Variants in NALCN observed in about 807,000 individuals in gnomAD.
NALCN encodes the protein sodium leak channel NALCN.
In NALCN, 111 loss-of-function variants were observed where a neutral mutation model predicts 225.3. The observed-to-expected ratio is 0.49, with a 90% CI of 0.42 to 0.58. The LOEUF is 0.58. Ranked by LOEUF, NALCN falls within the 20% of genes least tolerant of loss-of-function variation. NALCN has a pLI of 0.00. For synonymous variants in NALCN, 764 were observed against 769.0 expected (o/e 0.99, Z 0.11); for missense variants, 1,378 against 2,202.4 (o/e 0.63, Z 7.49).
rs544349937 is a variant in NALCN, at chr13:101,267,275, CTT to C, written c.1135-8703_1135-8702del. ...TTATTTTTTTCAATCACCAGCTCCT[CTT>C]GACTTTACAACACAAACTAGATTTT... On this transcript the variant is annotated intron_variant, in intron 10 of 43. Coordinates refer to ENST00000251127, the MANE Select transcript of NALCN (RefSeq NM_052867.4). Among the ~76,000 whole-genome samples the C allele has an allele frequency of 4.2e-3, 643 of 152,226 alleles. 4 individuals are homozygous for C. Among genetic ancestry groups the C allele is most frequent in the African/African-American group, 0.014 (592 of 41,544 alleles).
At chr13:101,097,341 A>G (rs1050446018) in intron 27 of NALCN, among the ~76,000 whole-genome samples, 2 of 152,164 alleles carry the variant, frequency 1.3e-5, no homozygotes, top group African/African-American at 4.8e-5. Flanking sequence ...AGCTAAAACT[A>G]CATTGCGATT....
At chr13:101,360,968 A>G (rs887663386) in intron 6 of NALCN, among the ~76,000 whole-genome samples, 3 of 152,186 alleles carry the variant, frequency 2.0e-5, no homozygotes, top group Non-Finnish European at 4.4e-5. Flanking sequence ...GTTCTACTCT[A>G]TAACATATCT....
intron 6 of NALCN, among the ~76,000 whole-genome samples, chr13:101,367,106 A>G (rs1473262235): frequency 6.6e-6 from 1 of 151,976 alleles, no homozygotes; most frequent in Non-Finnish European, 1.5e-5. Context: ...TCCAAATGAC[A>G]GAATTTCTTT....
At chr13:101,352,945 AT>A (rs2139330541) in intron 6 of NALCN, among the ~76,000 whole-genome samples, 1 of 152,348 alleles carries the variant, frequency 6.6e-6, no homozygotes, top group East Asian at 1.9e-4. Flanking sequence ...TGAAGTCGGC[AT>A]TCCATAAGAA....
At chr13:101,158,673 C>T (rs1483002610) in intron 15 of NALCN, among the ~76,000 whole-genome samples, 1 of 152,194 alleles carries the variant, frequency 6.6e-6, no homozygotes, top group Non-Finnish European at 1.5e-5. Context: ...ACTCAGCTTG[C>T]TGTAATCTAG....
intron 7 of NALCN, among the ~76,000 whole-genome samples, chr13:101,304,867 TG>T: frequency 6.6e-6 from 1 of 150,610 alleles, no homozygotes; most frequent in East Asian, 2.0e-4. Flanking sequence ...GTGATTCTCC[TG>T]CCTCAGCCTC....
rs149146382 is a variant in NALCN, at chr13:101,156,806, C to T, written c.1840-11910G>A. On this transcript the variant is annotated intron_variant, in intron 15 of 43. Transcript: ENST00000251127. Reference sequence around the variant, plus strand: ...CTTTAAATTAGAGGCATGGAAAATACGTACTTTGGAATGCAGTCTTAACAT... The same window carrying T: ...CTTTAAATTAGAGGCATGGAAAATATGTACTTTGGAATGCAGTCTTAACAT... Among the ~76,000 whole-genome samples the T allele has an allele frequency of 2.5e-3, 385 of 152,214 alleles. 2 individuals are homozygous for T. Among genetic ancestry groups the T allele is most frequent in the Non-Finnish European group, 2.7e-3 (186 of 68,010 alleles).
At chr13:101,404,146 G>A (rs1022662792) in intron 1 of NALCN, among the ~76,000 whole-genome samples, 8 of 152,080 alleles carry the variant, frequency 5.3e-5, no homozygotes, top group East Asian at 1.9e-4. Flanking sequence ...CTAGTGTGGC[G>A]CACTTTCTCT....
intron 14 of NALCN, among the ~76,000 whole-genome samples, chr13:101,183,459 A>ATT (rs1341478069): frequency 2.1e-5 from 3 of 140,808 alleles, no homozygotes; most frequent in Non-Finnish European, 3.3e-5. Context: ...ATTTCTATTG[A>ATT]GTGATTGATT....
chr13:101,096,702 G>A (rs557105390), intron 27 of NALCN, among the ~76,000 whole-genome samples: 3 of 152,252 alleles, frequency 2.0e-5, no homozygotes, highest in South Asian at 4.1e-4. Context: ...CACTTGAAGT[G>A]GGTGTATTGT....
At chr13:101,147,011 T>A (rs979025682) in intron 15 of NALCN, among the ~76,000 whole-genome samples, 1 of 151,958 alleles carries the variant, frequency 6.6e-6, no homozygotes, top group Admixed American at 6.6e-5. Context: ...GTCAGAAGAG[T>A]TGACTTGGGG....
chr13:101,182,828 A>G (rs969389879), intron 14 of NALCN, among the ~76,000 whole-genome samples: 3 of 151,754 alleles, frequency 2.0e-5, no homozygotes, highest in Non-Finnish European at 2.9e-5. Context: ...GGAGGTGAGA[A>G]TGACTTTGCG....
chr13:101,336,203 C>G (rs1041314123), intron 7 of NALCN, among the ~76,000 whole-genome samples: 1 of 152,048 alleles, frequency 6.6e-6, no homozygotes, highest in Non-Finnish European at 1.5e-5. Flanking sequence ...GCACAGAACT[C>G]CACCAGTGAT....
intron 1 of NALCN, among the ~76,000 whole-genome samples, chr13:101,407,034 T>C (rs2047644872): frequency 6.6e-6 from 1 of 152,212 alleles, no homozygotes; most frequent in Admixed American, 6.5e-5. Flanking sequence ...TGTAATTTTT[T>C]ACAGAGATTG....
rs144053299 is a variant in NALCN, at chr13:101,196,583, C to T, written c.1627-4529G>A. Among the ~76,000 whole-genome samples, 717 of 152,168 alleles carry T rather than the reference C, an allele frequency of 4.7e-3. 6 individuals are homozygous for T. Among genetic ancestry groups the T allele is most frequent in the African/African-American group, 0.017 (692 of 41,518 alleles). On this transcript the variant is annotated intron_variant, in intron 13 of 43. Coordinates refer to ENST00000251127, the MANE Select transcript of NALCN (RefSeq NM_052867.4). ...TTAGCATCCTTTTTCAATTTATCAACGAGGTTTTCTTCTCTGTGTTTTACT... is the reference window on the plus strand; with the variant it reads ...TTAGCATCCTTTTTCAATTTATCAATGAGGTTTTCTTCTCTGTGTTTTACT...
At chr13:101,215,601 T>C (rs1369900446) in intron 13 of NALCN, among the ~76,000 whole-genome samples, 1 of 152,176 alleles carries the variant, frequency 6.6e-6, no homozygotes, top group Non-Finnish European at 1.5e-5. Flanking sequence ...TCCTTAGGGT[T>C]GCAGGACTGA....
At chr13:101,239,879 C>G (rs1186290670) in intron 11 of NALCN, among the ~76,000 whole-genome samples, 1 of 152,064 alleles carries the variant, frequency 6.6e-6, no homozygotes, top group African/African-American at 2.4e-5. Context: ...GTTATCTTGT[C>G]TCAAATCCAT....
chr13:101,267,356 G>T (rs906375829), intron 10 of NALCN, among the ~76,000 whole-genome samples: 1 of 152,174 alleles, frequency 6.6e-6, no homozygotes, highest in Non-Finnish European at 1.5e-5. Flanking sequence ...TCACCTCTAA[G>T]CAGGATTGAT....
Position 101,292,576 on chromosome 13 carries a change from A to G in NALCN, c.800-210T>C, listed in dbSNP as rs899834691. ...GACTTCAAGCCAGGGTAATTTCAACATCTAACAATAAAATAATTTGATATT... is the reference window on the plus strand; with the variant it reads ...GACTTCAAGCCAGGGTAATTTCAACGTCTAACAATAAAATAATTTGATATT... On this transcript the variant is annotated intron_variant, in intron 7 of 43. Coordinates refer to ENST00000251127, the MANE Select transcript of NALCN (RefSeq NM_052867.4). This position sits in a 1 kb window ranked among gnomAD's most constrained non-coding sequence, Gnocchi z 4.3. Among the ~76,000 whole-genome samples, 2 of 152,246 alleles carry G rather than the reference A, an allele frequency of 1.3e-5. No homozygotes were observed. The highest frequency in any genetic ancestry group is 2.9e-5 in the Non-Finnish European group (2 of 68,036).
Sources: allele counts gnomAD v4.1 joint callset (sites outside exome capture counted in the v4.1 genomes callset), GRCh38; gene constraint gnomAD v4.1.1; non-coding constraint Gnocchi (gnomAD v3.1); transcripts MANE v1.5; gene names NCBI Gene and HGNC (gene_info 2026-07-23, HGNC 2026-07-21).